POLG2: variants seen among roughly 807,000 people sequenced by gnomAD.
POLG2 encodes DNA polymerase subunit gamma-2.
In POLG2, 50 loss-of-function variants were observed where a neutral mutation model predicts 56.5. The observed-to-expected ratio is 0.88, with a 90% CI of 0.71 to 1.12. The LOEUF is 1.12. POLG2 is among the 50% of genes most tolerant of loss of function. The pLI is 0.00. For synonymous variants in POLG2, 226 were observed against 222.6 expected (o/e 1.02, Z -0.14); for missense variants, 584 against 583.3 (o/e 1.00, Z -0.01).
At chr17:64,495,744 T>A (rs2038140268) in intron 1 of POLG2, among the ~76,000 whole-genome samples, 1 of 152,136 alleles carries the variant, frequency 6.6e-6, no homozygotes, top group African/African-American at 2.4e-5. Context: ...GTTTTGCTCT[T>A]GTCACCCAAG....
chr17:64,488,851 C>T (rs1324218292), intron 4 of POLG2, among the ~76,000 whole-genome samples: 1 of 152,066 alleles, frequency 6.6e-6, no homozygotes, highest in Non-Finnish European at 1.5e-5. Flanking sequence ...ACCTATAGTC[C>T]TAGCTACTCA....
intron 4 of POLG2, among the ~76,000 whole-genome samples, chr17:64,488,775 C>T (rs2038001932): frequency 2.0e-5 from 3 of 152,040 alleles, no homozygotes; most frequent in African/African-American, 7.2e-5. Flanking sequence ...AAATTCCAGC[C>T]TGGTCAATAT....
intron 4 of POLG2, among the ~76,000 whole-genome samples, chr17:64,488,041 AC>A (rs1222977452): frequency 6.6e-6 from 1 of 151,928 alleles, no homozygotes; most frequent in Non-Finnish European, 1.5e-5. Flanking sequence ...TTGGACATTA[AC>A]CATAAAATCA....
At chr17:64,485,424 C>T (rs1297484222) in intron 5 of POLG2, 3 of 369,054 alleles carry the variant, frequency 8.1e-6, no homozygotes, top group Non-Finnish European at 1.5e-5. Flanking sequence ...AATGCTTCAG[C>T]TTCTGATACA....
chr17:64,484,453 A>G (rs939145737), intron 5 of POLG2, among the ~76,000 whole-genome samples: 6 of 152,212 alleles, frequency 3.9e-5, no homozygotes, highest in African/African-American at 1.4e-4. Flanking sequence ...CAGATCAAAA[A>G]GAGGGCTTCG....
chr17:64,486,994 C>A (rs1450769068), intron 4 of POLG2: 1 of 151,962 alleles, frequency 6.6e-6, no homozygotes, highest in African/African-American at 2.4e-5. Flanking sequence ...CCACTTTCAT[C>A]TTTCTTTTTT....
At chr17:64,487,116 A>C (rs2037970331) in intron 4 of POLG2, 1 of 152,190 alleles carries the variant, frequency 6.6e-6, no homozygotes, top group Admixed American at 6.5e-5. Flanking sequence ...CACAAATTTA[A>C]ATCCTCAGCT....
intron 7 of POLG2, 32 bp from the exon 8 acceptor site, chr17:64,478,020 GC>G (rs1568079804): frequency 6.2e-6 from 10 of 1,603,208 alleles, no homozygotes; most frequent in Non-Finnish European, 8.5e-6. Flanking sequence ...AGACACATGA[GC>G]ACAAATGTAA....
At position 64,492,594 on chromosome 17, in the gene POLG2, C is replaced by T. The variant is rs997169976; in HGVS notation, c.795+73G>A. 9.7e-6 allele frequency: 8 copies of T among 823,082 alleles called. No individual in the cohort carries two copies. The South Asian group carries it at 1.1e-4, about 12-fold the overall frequency. The allele number at this position is 823,082 out of a possible 1,614,324, so 51.0% of individuals were successfully genotyped here. On this transcript the variant is annotated intron_variant, in intron 3 of 7. Transcript: ENST00000539111. ...ACATCAAATATAATTTCTTGTATGT[C>T]AGAAGAATTACCACTGACACATTAA...
intron 3 of POLG2, among the ~76,000 whole-genome samples, chr17:64,492,114 G>C (rs1044395506): frequency 6.6e-6 from 1 of 152,196 alleles, no homozygotes; most frequent in Admixed American, 6.5e-5. Context: ...ACTAAAGTGG[G>C]ATAAAGAAGA....
At chr17:64,488,436 T>C (rs1555667889) in intron 4 of POLG2, among the ~76,000 whole-genome samples, 1 of 152,008 alleles carries the variant, frequency 6.6e-6, no homozygotes, top group East Asian at 1.9e-4. Flanking sequence ...GGCATGGTAG[T>C]TCACACCTGT....
chr17:64,481,479 T>G (rs1043007922), intron 6 of POLG2: 13 of 836,680 alleles, frequency 1.6e-5, no homozygotes, highest in Non-Finnish European at 1.9e-5. Flanking sequence ...CCCCATGGCC[T>G]TTCTTAAGAG....
chr17:64,480,272 GA>G lies in POLG2; in HGVS notation c.1292+16del. 8.1e-7 allele frequency: 1 copy of G among 1,229,902 alleles called. No homozygotes were observed. The allele number at this position is 1,229,902 out of a possible 1,614,324, so 76.2% of individuals were successfully genotyped here. A position where few individuals can be genotyped will look rare whatever the true frequency, so the allele number is the denominator to read the frequency against. On this transcript the variant is annotated intron_variant, in intron 7 of 7. Coordinates refer to ENST00000539111, the MANE Select transcript of POLG2 (RefSeq NM_007215.4). ...CTCTTGAATAAATACACTCTTTAAT[GA>G]AAATACAATTCTTACTTCGAATAAA...
chr17:64,494,029 G>A (rs782779300), intron 1 of POLG2, among the ~76,000 whole-genome samples: 1 of 152,066 alleles, frequency 6.6e-6, no homozygotes, highest in Non-Finnish European at 1.5e-5. Context: ...TATTTTAGTT[G>A]TTCCAATTTT....
chr17:64,479,218 C>G (rs761418743), intron 7 of POLG2, among the ~76,000 whole-genome samples: 61 of 145,330 alleles, frequency 4.2e-4, no homozygotes, highest in Admixed American at 9.7e-4. Context: ...GAGTCTCGCT[C>G]TGTCACCCAG....
At chr17:64,481,554 T>A in intron 6 of POLG2, 1 of 318,192 alleles carries the variant, frequency 3.1e-6, no homozygotes, top group Non-Finnish European at 4.5e-6. Context: ...TATCTGAATA[T>A]AGTCAGTTAC....
rs1197636061 is a variant in POLG2 at position 64,489,109 on chromosome 17, C to T, written c.969+1687G>A. The stretch of plus-strand genomic sequence containing the variant: ...AGCACAGTCTTGGCTCACTGATGAT[C>T]CTGGAACAATATATTGCTACAAAAG... On this transcript the variant is annotated intron_variant, in intron 4 of 7. Transcript: ENST00000539111. Among the ~76,000 whole-genome samples, 3 of 147,788 alleles carry T rather than the reference C, an allele frequency of 2.0e-5. No homozygotes were observed. The East Asian group carries it at 5.9e-4, about 29-fold the overall frequency.
At chr17:64,486,232 T>G (rs192349884) in intron 4 of POLG2, among the ~76,000 whole-genome samples, 2 of 152,322 alleles carry the variant, frequency 1.3e-5, no homozygotes, top group East Asian at 3.9e-4. Context: ...TGGTGCTTGG[T>G]TGGGCTCTAT....
intron 6 of POLG2, 138 bp downstream of exon 6, chr17:64,482,781 C>T: frequency 4.7e-6 from 3 of 645,090 alleles, no homozygotes; most frequent in South Asian, 3.5e-5. Context: ...CTCATCAGAA[C>T]ATTTAAGATT....
Sources: gnomAD v4.1 joint callset for allele counts (sites outside exome capture counted in the v4.1 genomes callset) on GRCh38, gnomAD v4.1.1 for gene constraint, MANE v1.5 for transcripts, NCBI Gene and HGNC (gene_info 2026-07-23, HGNC 2026-07-21) for gene names.